CTNNA2: variants seen among roughly 807,000 people sequenced by gnomAD.
CTNNA2 encodes catenin alpha 2, also known as catenin alpha-2.
In CTNNA2, 42 loss-of-function variants were observed where a neutral mutation model predicts 101.0. That is an observed-to-expected ratio of 0.42 (90% CI 0.32 to 0.54). The LOEUF (loss-of-function observed/expected upper bound fraction) is 0.54, where lower values mean the gene tolerates loss of function less well. CTNNA2 is among the 20% of genes least tolerant of loss of function. The probability of loss-of-function intolerance (pLI) is 0.14; values close to 1 mark genes in which losing one functional copy is unlikely to be tolerated. For synonymous variants in CTNNA2, 450 were observed against 456.4 expected (o/e 0.99, Z 0.18); for missense variants, 871 against 1,223.1 (o/e 0.71, Z 4.29).
intron 7 of CTNNA2, among the ~76,000 whole-genome samples, chr2:80,269,412 C>T (rs958058265): frequency 1.3e-5 from 2 of 152,150 alleles, no homozygotes; most frequent in African/African-American, 4.8e-5. Flanking sequence ...GCCTCCCCAG[C>T]CCTTCAGAAC....
At chr2:80,024,001 G>T (rs1410738812) in intron 7 of CTNNA2, among the ~76,000 whole-genome samples, 1 of 151,740 alleles carries the variant, frequency 6.6e-6, no homozygotes, top group Non-Finnish European at 1.5e-5. Flanking sequence ...GCGGGAGAAC[G>T]GCGTAAACCC....
At chr2:79,336,133 A>G (rs1350139278) in intron 3 of CTNNA2, among the ~76,000 whole-genome samples, 1 of 152,194 alleles carries the variant, frequency 6.6e-6, no homozygotes, top group Non-Finnish European at 1.5e-5. Context: ...TGGAATTAGG[A>G]TTGGTGCATA....
At chr2:79,426,043 C>A (rs1458455989) in intron 4 of CTNNA2, among the ~76,000 whole-genome samples, 2 of 152,080 alleles carry the variant, frequency 1.3e-5, no homozygotes, top group Non-Finnish European at 1.5e-5. Context: ...GGCTTAACTA[C>A]ATAGTAAAAC....
intron 7 of CTNNA2, among the ~76,000 whole-genome samples, chr2:80,336,250 G>T (rs945475209): frequency 2.0e-5 from 3 of 152,082 alleles, no homozygotes; most frequent in African/African-American, 7.2e-5. Flanking sequence ...ATAGGGTGAA[G>T]GGGGCAAAGC....
chr2:80,227,925 G>A (rs1274777957), intron 7 of CTNNA2, among the ~76,000 whole-genome samples: 1 of 152,064 alleles, frequency 6.6e-6, no homozygotes, highest in African/African-American at 2.4e-5. Flanking sequence ...TAGATATGGG[G>A]AAGTGTGGAC....
chr2:79,920,287 A>T (rs993242086), intron 7 of CTNNA2, among the ~76,000 whole-genome samples: 1 of 152,178 alleles, frequency 6.6e-6, no homozygotes, highest in Admixed American at 6.5e-5. Flanking sequence ...CCTCCCACCA[A>T]GTTTCAGCTC....
At position 80,303,709 on chromosome 2, in the gene CTNNA2, G is replaced by A. The variant is rs749396485; in HGVS notation, c.1057-89502G>A. The A allele has an allele frequency of 6.2e-7, 1 of 1,608,040 alleles. No homozygotes were observed. Reference sequence around the variant, plus strand: ...CGCACCGGCACAGCTGCGGGCACCCGCTGGGGGCGGCGGGCAGCATCTGAA... The same window carrying A: ...CGCACCGGCACAGCTGCGGGCACCCACTGGGGGCGGCGGGCAGCATCTGAA... On this transcript the variant is annotated intron_variant, in intron 7 of 18. Transcript: ENST00000402739. The surrounding 1 kb of genome is among the most constrained non-coding windows in gnomAD (Gnocchi z 7.7).
At chr2:80,417,938 C>T (rs987834087) in intron 8 of CTNNA2, among the ~76,000 whole-genome samples, 3 of 152,136 alleles carry the variant, frequency 2.0e-5, no homozygotes, top group Non-Finnish European at 4.4e-5. Flanking sequence ...AGAGCTCTCA[C>T]TTCTGTTATT....
intron 7 of CTNNA2, among the ~76,000 whole-genome samples, chr2:79,940,212 A>G (rs1688062580): frequency 6.6e-6 from 1 of 152,226 alleles, no homozygotes; most frequent in Non-Finnish European, 1.5e-5. Flanking sequence ...TTGTTTTAGT[A>G]TTTAGGAGCA....
In CTNNA2 at chr2:80,414,699, T is replaced by C. The variant is rs563706382; in HGVS notation, c.1138-4750T>C. 7.9e-5 allele frequency among the ~76,000 whole-genome samples: 12 copies of C among 152,316 alleles called. No homozygotes were observed. In the East Asian group the frequency reaches 1.7e-3, roughly 22 times the overall value. On this transcript the variant is annotated intron_variant, in intron 8 of 18. Coordinates refer to ENST00000402739, the MANE Select transcript of CTNNA2 (RefSeq NM_001282597.3). ...CCTAACATTTTGAATCAAAACCTAT[T>C]GTCACAAAGACACAGGGTGCCTTAA...
intron 7 of CTNNA2, among the ~76,000 whole-genome samples, chr2:80,128,614 C>T (rs1281523289): frequency 1.3e-5 from 2 of 152,116 alleles, no homozygotes; most frequent in Non-Finnish European, 2.9e-5. Context: ...AAAAACAGTG[C>T]CAATTAAACC....
Position 80,302,497 on chromosome 2 carries a change from G to A in CTNNA2, c.1057-90714G>A, listed in dbSNP as rs1333073456. On this transcript the variant is annotated intron_variant, in intron 7 of 18. Transcript: ENST00000402739. The surrounding 1 kb of genome is among the most constrained non-coding windows in gnomAD (Gnocchi z 6.4). ...AGGACACGTAGAGCACCAGGACCACGATGAGGAAGGAGAAGATGAGGGCCA... is the reference window on the plus strand; with the variant it reads ...AGGACACGTAGAGCACCAGGACCACAATGAGGAAGGAGAAGATGAGGGCCA... The A allele has an allele frequency of 7.4e-6, 12 of 1,613,466 alleles. No individual in the cohort carries two copies. Among genetic ancestry groups the A allele is most frequent in the African/African-American group, 4.0e-5 (3 of 74,948 alleles).
At chr2:79,759,375 A>G (rs1190434553) in intron 3 of CTNNA2, among the ~76,000 whole-genome samples, 1 of 149,892 alleles carries the variant, frequency 6.7e-6, no homozygotes, top group Non-Finnish European at 1.5e-5. Flanking sequence ...CCTGGGTGAC[A>G]AGAGTGACTC....
intron 18 of CTNNA2, among the ~76,000 whole-genome samples, chr2:80,628,178 G>A (rs1455668396): frequency 1.3e-5 from 2 of 151,912 alleles, no homozygotes; most frequent in African/African-American, 4.8e-5. Flanking sequence ...TGTGAAAATG[G>A]CCATCATGCC....
chr2:79,334,298 G>A (rs1483490364), intron 3 of CTNNA2, among the ~76,000 whole-genome samples: 1 of 152,058 alleles, frequency 6.6e-6, no homozygotes, highest in African/African-American at 2.4e-5. Flanking sequence ...ATAAAACTAT[G>A]CTGGCAGAAC....
chr2:80,339,448 GA>G (rs1334824620), intron 7 of CTNNA2, among the ~76,000 whole-genome samples: 4 of 151,884 alleles, frequency 2.6e-5, no homozygotes, highest in African/African-American at 9.7e-5. Context: ...AATGTTAAAA[GA>G]AAAAAATAGA....
intron 7 of CTNNA2, among the ~76,000 whole-genome samples, chr2:80,289,784 G>A (rs1169657922): frequency 2.6e-5 from 4 of 152,214 alleles, no homozygotes; most frequent in African/African-American, 7.2e-5. Context: ...TGTGTTATAC[G>A]GTAGGGAAAA....
intron 1 of CTNNA2, among the ~76,000 whole-genome samples, chr2:79,617,522 C>A (rs1210621824): frequency 2.0e-5 from 3 of 152,170 alleles, no homozygotes; most frequent in Non-Finnish European, 4.4e-5. Context: ...TTAGTGATTA[C>A]ATTTTCATTT....
chr2:80,425,104 G>C (rs1559099170), intron 9 of CTNNA2, among the ~76,000 whole-genome samples: 2 of 152,152 alleles, frequency 1.3e-5, no homozygotes, highest in Non-Finnish European at 2.9e-5. Flanking sequence ...GGAGTGACAG[G>C]CGGAAGGTTA....
Sources: allele counts gnomAD v4.1 joint callset (sites outside exome capture counted in the v4.1 genomes callset), GRCh38; gene constraint gnomAD v4.1.1; non-coding constraint Gnocchi (gnomAD v3.1); transcripts MANE v1.5; gene names NCBI Gene and HGNC (gene_info 2026-07-23, HGNC 2026-07-21).